The following KIF16B variants were observed in gnomAD, a reference collection of about 807,000 sequenced individuals.
KIF16B encodes the protein kinesin family member 16B.
Under a neutral mutation model 156.3 loss-of-function variants are expected in KIF16B, and 98 were observed. The observed-to-expected ratio is 0.63, with a 90% CI of 0.53 to 0.74. The LOEUF (loss-of-function observed/expected upper bound fraction) is 0.74, where lower values mean the gene tolerates loss of function less well. Among genes scored for constraint, KIF16B ranks in the 30% least tolerant of loss-of-function variants. KIF16B has a pLI of 0.00. For missense variants in KIF16B, 1,421 were observed against 1,606.5 expected, an observed-to-expected ratio of 0.88 and a Z score of 1.97; for synonymous variants, 564 against 583.7, an observed-to-expected ratio of 0.97 and a Z score of 0.49.
chr20:16,401,699 C>G (rs554821087), intron 17 of KIF16B, among the ~76,000 whole-genome samples: 1 of 152,252 alleles, frequency 6.6e-6, no homozygotes, highest in African/African-American at 2.4e-5. Flanking sequence ...CTCCCTGTCT[C>G]CCCCATCTCA....
chr20:16,353,687 G>A (rs2064382668), intron 23 of KIF16B, among the ~76,000 whole-genome samples: 1 of 152,152 alleles, frequency 6.6e-6, no homozygotes, highest in Non-Finnish European at 1.5e-5. Context: ...GGCAGGGGGA[G>A]GGTATGCTAT....
intron 23 of KIF16B, among the ~76,000 whole-genome samples, chr20:16,338,443 T>C (rs1164527403): frequency 6.6e-6 from 1 of 152,174 alleles, no homozygotes; most frequent in African/African-American, 2.4e-5. Context: ...CTCACTGTCA[T>C]CTGCTTCAGC....
chr20:16,539,217 TG>T (rs1268774398), intron 1 of KIF16B, among the ~76,000 whole-genome samples: 1 of 152,098 alleles, frequency 6.6e-6, no homozygotes, highest in Admixed American at 6.5e-5. Flanking sequence ...AAGCAGAGGT[TG>T]GAAGAGTCTG....
chr20:16,365,749 A>G (rs1162589684), intron 22 of KIF16B, among the ~76,000 whole-genome samples: 1 of 152,250 alleles, frequency 6.6e-6, no homozygotes, highest in Non-Finnish European at 1.5e-5. Context: ...GGTTAGGAAC[A>G]GAAATGAAGA....
At chr20:16,394,187 G>A (rs1568929959) in intron 17 of KIF16B, among the ~76,000 whole-genome samples, 1 of 152,128 alleles carries the variant, frequency 6.6e-6, no homozygotes, top group Admixed American at 6.6e-5. Flanking sequence ...TTATAAAATG[G>A]CTGAAGCAAA....
intron 22 of KIF16B, among the ~76,000 whole-genome samples, chr20:16,360,202 T>C (rs2064525634): frequency 6.6e-6 from 1 of 152,150 alleles, no homozygotes; most frequent in African/African-American, 2.4e-5. Flanking sequence ...GGGTACAGTG[T>C]AAAAAATTCT....
chr20:16,443,520 G>A (rs117643171), intron 12 of KIF16B, among the ~76,000 whole-genome samples: 21 of 152,254 alleles, frequency 1.4e-4, no homozygotes, highest in Non-Finnish European at 1.6e-4. Context: ...TTACATGAAC[G>A]CCAGCTCCAA....
chr20:16,544,132 A>G (rs1305750483), intron 1 of KIF16B, among the ~76,000 whole-genome samples: 3 of 152,152 alleles, frequency 2.0e-5, no homozygotes, highest in Admixed American at 2.0e-4. Flanking sequence ...CGAGACGCGC[A>G]CTTAGCCTCA....
intron 4 of KIF16B, among the ~76,000 whole-genome samples, chr20:16,513,488 GTC>G (rs1235208030): frequency 6.6e-6 from 1 of 151,902 alleles, no homozygotes; most frequent in Admixed American, 6.6e-5. Flanking sequence ...GTGAAACTGT[GTC>G]TCTACTAAAA....
intron 12 of KIF16B, among the ~76,000 whole-genome samples, chr20:16,431,092 T>C (rs555915886): frequency 4.6e-5 from 7 of 152,180 alleles, no homozygotes; most frequent in Admixed American, 4.6e-4. Context: ...ACTCTACATA[T>C]GTAGTATTAA....
chr20:16,321,589 T>C (rs1463276131), intron 24 of KIF16B, among the ~76,000 whole-genome samples: 1 of 152,124 alleles, frequency 6.6e-6, no homozygotes, highest in Non-Finnish European at 1.5e-5. Flanking sequence ...AGTAACACTT[T>C]AGATACCATG....
intron 25 of KIF16B, among the ~76,000 whole-genome samples, chr20:16,306,519 A>G (rs114741458): frequency 1.8e-4 from 28 of 152,342 alleles, no homozygotes; most frequent in African/African-American, 6.7e-4. Flanking sequence ...TGAAAGACAG[A>G]CTGGTATTAC....
intron 10 of KIF16B, among the ~76,000 whole-genome samples, chr20:16,503,874 G>GGA (rs1175629121): frequency 6.6e-6 from 1 of 152,036 alleles, no homozygotes; most frequent in Non-Finnish European, 1.5e-5. Context: ...GAGGGCCCAG[G>GGA]GACAGCATTT....
chr20:16,506,118 G>C lies in KIF16B; in HGVS notation c.772C>G (p.Arg258Gly), dbSNP rs1323701527. 1.2e-6 allele frequency: 2 copies of C among 1,613,996 alleles called. No homozygotes were observed. Among genetic ancestry groups the C allele is most frequent in the East Asian group, 2.2e-5 (1 of 44,856 alleles). Residue 258 changes from arginine to glycine, a missense_variant, in exon 8 of 26, where the codon CGT becomes GGT. Transcript: ENST00000354981. ...CCGGTGGCTCCGGTGGCATCTGCAC[G>C]CTCACTTCCGGCAAGATCAACCAAG... ...IHLVDLAGSE[R>G]ADATGATGVR...
At position 16,380,235 on chromosome 20, in the gene KIF16B, T is replaced by G. The variant is rs534452168; in HGVS notation, c.1839-72A>C. ...TGTTGCTCTAACTTTACTGAAATGT[T>G]CTGAAAATGCACATACAACCAGGTC... is the stretch of plus-strand genomic sequence containing the variant. On this transcript the variant is annotated intron_variant, in intron 18 of 25. Coordinates refer to ENST00000354981, the MANE Select transcript of KIF16B (RefSeq NM_024704.5). The G allele has an allele frequency of 1.8e-5, 24 of 1,347,292 alleles. No individual in the cohort carries two copies. The East Asian group carries it at 6.0e-4, about 34-fold the overall frequency. The allele number at this position is 1,347,292 out of a possible 1,614,324, so 83.5% of individuals were successfully genotyped here. A position where few individuals can be genotyped will look rare whatever the true frequency, so the allele number is the denominator to read the frequency against.
chr20:16,529,807 C>T (rs1172349120), intron 1 of KIF16B, among the ~76,000 whole-genome samples: 1 of 152,100 alleles, frequency 6.6e-6, no homozygotes, highest in South Asian at 2.1e-4. Flanking sequence ...GAAAATTAGC[C>T]GGCCATGGTG....
intron 24 of KIF16B, 76 bp from the exon 25 acceptor site, chr20:16,312,494 G>A (rs2063634526): frequency 1.4e-5 from 15 of 1,110,696 alleles, no homozygotes. Flanking sequence ...TCTATTATTT[G>A]AAATCTCTTC....
intron 15 of KIF16B, among the ~76,000 whole-genome samples, chr20:16,416,209 T>A (rs1231957559): frequency 6.6e-6 from 1 of 152,222 alleles, no homozygotes; most frequent in Non-Finnish European, 1.5e-5. Context: ...AGCTCTTTAG[T>A]TTAATTAGAT....
intron 1 of KIF16B, among the ~76,000 whole-genome samples, chr20:16,549,553 C>T (rs1420677668): frequency 2.0e-5 from 3 of 152,042 alleles, no homozygotes; most frequent in Non-Finnish European, 4.4e-5. Flanking sequence ...TGGGTATATA[C>T]CCAGTAATGG....
Sources: allele counts gnomAD v4.1 joint callset (sites outside exome capture counted in the v4.1 genomes callset), GRCh38; gene constraint gnomAD v4.1.1; transcripts MANE v1.5; gene names NCBI Gene and HGNC (gene_info 2026-07-23, HGNC 2026-07-21).